Variants in CBFB observed in about 807,000 individuals in gnomAD.
The protein encoded by CBFB is core-binding factor subunit beta.
In CBFB, 9 loss-of-function variants were observed where a neutral mutation model predicts 30.4. That is an observed-to-expected ratio of 0.30 (90% CI 0.18 to 0.52). CBFB has a LOEUF of 0.52. CBFB is among the 20% of genes least tolerant of loss of function. CBFB has a pLI of 0.97. For missense variants in CBFB, 170 were observed against 244.0 expected, an observed-to-expected ratio of 0.70 and a Z score of 2.02; for synonymous variants, 94 against 84.0, an observed-to-expected ratio of 1.12 and a Z score of -0.65.
At chr16:67,031,520 T>C (rs1478608233) in intron 2 of CBFB, among the ~76,000 whole-genome samples, 1 of 152,210 alleles carries the variant, frequency 6.6e-6, no homozygotes, top group African/African-American at 2.4e-5. Context: ...TGTTTGCTTT[T>C]TTGTTTTGAG....
In CBFB at chr16:67,083,345, G is replaced by A. The variant is rs1961625563; in HGVS notation, c.495+1037G>A. 4.0e-5 allele frequency among the ~76,000 whole-genome samples: 6 copies of A among 151,498 alleles called. No homozygotes were observed. In the South Asian group the frequency reaches 1.3e-3, roughly 32 times the overall value. ...GAGTCTTGCTCTGTCGCCCAGGCTG[G>A]AGTACAGTAGCGTGATCTCGGCTCA... is the stretch of plus-strand genomic sequence containing the variant. On this transcript the variant is annotated intron_variant, in intron 5 of 5. Transcript: ENST00000412916.
Position 67,099,725 on chromosome 16 carries a change from G to GA in CBFB, c.*951dup. On this transcript the variant is annotated 3_prime_UTR_variant, in exon 6 of 6. Coordinates refer to ENST00000412916, the MANE Select transcript of CBFB (RefSeq NM_022845.3). ...AGGGATTTTTTTAAAAAGTCAATCA[G>GA]AAAAGGGATACTGGAGCTTCTTCAT... is the stretch of plus-strand genomic sequence containing the variant. The GA allele has an allele frequency of 4.9e-6, 1 of 204,736 alleles. No individual in the cohort carries two copies. Among genetic ancestry groups the GA allele is most frequent in the East Asian group, 7.5e-5 (1 of 13,316 alleles). The allele number at this position is 204,736 out of a possible 1,614,324, so 12.7% of individuals were successfully genotyped here. A position where few individuals can be genotyped will look rare whatever the true frequency, so the allele number is the denominator to read the frequency against.
chr16:67,059,502 A>C (rs1210906309), intron 3 of CBFB, among the ~76,000 whole-genome samples: 1 of 152,200 alleles, frequency 6.6e-6, no homozygotes, highest in Non-Finnish European at 1.5e-5. Context: ...GGGCTCAAAC[A>C]CATACATTTT....
Position 67,036,805 on chromosome 16 carries a change from A to C in CBFB, c.282+50A>C, listed in dbSNP as rs374185205. On this transcript the variant is annotated intron_variant, in intron 3 of 5. Coordinates refer to ENST00000412916, the MANE Select transcript of CBFB (RefSeq NM_022845.3). ...AAAATACTGTGGGTTGTTTTGTTAG[A>C]GATTATCTGGTAATTTACATTTTAA... The C allele has an allele frequency of 2.8e-5, 28 of 992,282 alleles. No homozygotes were observed. In the African/African-American group the frequency reaches 3.3e-4, roughly 12 times the overall value. 61.5% of individuals were successfully genotyped at this position (992,282 alleles called of 1,614,324 possible).
intron 4 of CBFB, among the ~76,000 whole-genome samples, chr16:67,070,319 C>A (rs1190558453): frequency 6.6e-6 from 1 of 152,002 alleles, no homozygotes; most frequent in East Asian, 1.9e-4. Context: ...CAGGAGGATC[C>A]CTTGATCCCA....
At chr16:67,053,691 G>A (rs1043212517) in intron 3 of CBFB, among the ~76,000 whole-genome samples, 2 of 151,888 alleles carry the variant, frequency 1.3e-5, no homozygotes, top group African/African-American at 4.8e-5. Context: ...AGTGGATTAT[G>A]GGAAACCTAG....
chr16:67,077,123 C>T (rs1257505723), intron 4 of CBFB, among the ~76,000 whole-genome samples: 2 of 152,090 alleles, frequency 1.3e-5, no homozygotes, highest in Non-Finnish European at 2.9e-5. Flanking sequence ...AATATGTGTT[C>T]CACCAACATT....
chr16:67,039,073 T>C (rs1302854606), intron 3 of CBFB, among the ~76,000 whole-genome samples: 1 of 152,214 alleles, frequency 6.6e-6, no homozygotes, highest in African/African-American at 2.4e-5. Context: ...GGTAGGGATA[T>C]GTTCTGGGAA....
chr16:67,092,698 C>CTTTTTTTTTTTTTTTTTTT (rs777213321), intron 5 of CBFB, among the ~76,000 whole-genome samples: 1 of 33,528 alleles, frequency 3.0e-5, no homozygotes, highest in African/African-American at 1.1e-4. Context: ...GTGGTGCAAT[C>CTTTTTTTTTTTTTTTTTTT]TTTTTTTTTT....
intron 3 of CBFB, among the ~76,000 whole-genome samples, chr16:67,061,499 G>A (rs1960909739): frequency 6.6e-6 from 1 of 152,122 alleles, no homozygotes; most frequent in African/African-American, 2.4e-5. Context: ...GCATTTCACT[G>A]TGTATTAAAT....
chr16:67,096,278 T>C (rs965222953), intron 5 of CBFB, among the ~76,000 whole-genome samples: 1 of 151,418 alleles, frequency 6.6e-6, no homozygotes, highest in African/African-American at 2.4e-5. Context: ...GCTACTGTAC[T>C]CCAGCCTGGA....
intron 4 of CBFB, among the ~76,000 whole-genome samples, chr16:67,074,910 A>G (rs1462958437): frequency 6.6e-6 from 1 of 152,104 alleles, no homozygotes; most frequent in Non-Finnish European, 1.5e-5. Flanking sequence ...AAATATGTAG[A>G]GGCCAGGCGC....
chr16:67,030,094 T>A (rs1966309191), intron 2 of CBFB: 2 of 381,482 alleles, frequency 5.2e-6, no homozygotes, highest in South Asian at 1.1e-4. Context: ...AGGGCATTGT[T>A]TAGGCGGCGA....
chr16:67,054,189 G>A (rs1026720979), intron 3 of CBFB, among the ~76,000 whole-genome samples: 5 of 151,502 alleles, frequency 3.3e-5, no homozygotes, highest in African/African-American at 4.9e-5. Context: ...CTTGGTTTAC[G>A]GTCTCTTTGT....
chr16:67,052,066 C>G (rs1960570469), intron 3 of CBFB, among the ~76,000 whole-genome samples: 1 of 151,836 alleles, frequency 6.6e-6, no homozygotes, highest in Non-Finnish European at 1.5e-5. Context: ...CTCCCAGGCT[C>G]AAGCCCTCCT....
At chr16:67,038,456 C>T (rs568451280) in intron 3 of CBFB, among the ~76,000 whole-genome samples, 19 of 151,314 alleles carry the variant, frequency 1.3e-4, no homozygotes, top group South Asian at 4.2e-4. Flanking sequence ...ATCTTTTGTG[C>T]GTGACAAAAC....
At chr16:67,032,522 T>G (rs1329490778) in intron 2 of CBFB, among the ~76,000 whole-genome samples, 1 of 152,344 alleles carries the variant, frequency 6.6e-6, no homozygotes, top group East Asian at 1.9e-4. Flanking sequence ...CTTTCTAGTT[T>G]CCCTCCTTTA....
chr16:67,071,192 G>T (rs1961214645), intron 4 of CBFB, among the ~76,000 whole-genome samples: 2 of 152,114 alleles, frequency 1.3e-5, no homozygotes, highest in Admixed American at 6.6e-5. Context: ...GATGCTAGGG[G>T]CAGGAGTTCA....
intron 4 of CBFB, among the ~76,000 whole-genome samples, chr16:67,080,131 T>C (rs1961514796): frequency 6.6e-6 from 1 of 152,196 alleles, no homozygotes; most frequent in Non-Finnish European, 1.5e-5. Flanking sequence ...TTCAGAAGTG[T>C]GTGACGGCAA....
Sources: allele counts gnomAD v4.1 joint callset (sites outside exome capture counted in the v4.1 genomes callset), GRCh38; gene constraint gnomAD v4.1.1; transcripts MANE v1.5; gene names NCBI Gene and HGNC (gene_info 2026-07-23, HGNC 2026-07-21).